The following VTI1A variants were observed in gnomAD, a reference collection of about 807,000 sequenced individuals.
The protein encoded by VTI1A is vesicle transport through interaction with t-SNAREs 1A, also known as vesicle transport through interaction with t-SNAREs homolog 1A.
VTI1A carries 22 observed loss-of-function variants against 34.9 expected under a neutral mutation model. The ratio of observed to expected loss-of-function variants is 0.63; its 90% CI spans 0.45 to 0.90. The LOEUF is 0.90. VTI1A is among the 40% of genes least tolerant of loss of function. VTI1A has a pLI of 0.00. For missense variants in VTI1A, 268 were observed against 275.6 expected (o/e 0.97, Z 0.20); for synonymous variants, 87 against 97.3 (o/e 0.89, Z 0.62).
intron 7 of VTI1A, among the ~76,000 whole-genome samples, chr10:112,742,478 A>T (rs1298648309): frequency 1.3e-5 from 2 of 152,234 alleles, no homozygotes; most frequent in Non-Finnish European, 2.9e-5. Flanking sequence ...CTAGGGCATA[A>T]GAAACCCAAA....
chr10:112,489,869 C>T (rs1848762175), intron 3 of VTI1A, among the ~76,000 whole-genome samples: 1 of 152,114 alleles, frequency 6.6e-6, no homozygotes, highest in South Asian at 2.1e-4. Flanking sequence ...CTGAACTTTG[C>T]CTTTTTAATC....
At chr10:112,677,130 C>T (rs574867856) in intron 7 of VTI1A, among the ~76,000 whole-genome samples, 5 of 152,132 alleles carry the variant, frequency 3.3e-5, no homozygotes, top group South Asian at 2.1e-4. Context: ...GTGCAGGGGA[C>T]GGACAGACAG....
At position 112,629,842 on chromosome 10, in the gene VTI1A, A is replaced by G. The variant is rs147302108; in HGVS notation, c.428-38376A>G. ...ATAAATCCACTGTGCTTCCAGCCTC[A>G]TATGAGCCAAATCTCCTAAACATGC... On this transcript the variant is annotated intron_variant, in intron 5 of 7. Transcript: ENST00000393077. Among the ~76,000 whole-genome samples the G allele has an allele frequency of 5.9e-3, 894 of 152,338 alleles. 5 individuals carry two copies. The highest frequency in any genetic ancestry group is 9.8e-3 in the Non-Finnish European group (669 of 68,026).
intron 7 of VTI1A, among the ~76,000 whole-genome samples, chr10:112,769,843 T>TA (rs756493185): frequency 4.7e-4 from 72 of 152,252 alleles, no homozygotes; most frequent in Non-Finnish European, 7.8e-4. Context: ...CATATTTACA[T>TA]ACCTTAGGAA....
At chr10:112,691,833 A>G (rs1564885950) in intron 7 of VTI1A, among the ~76,000 whole-genome samples, 1 of 152,192 alleles carries the variant, frequency 6.6e-6, no homozygotes, top group African/African-American at 2.4e-5. Context: ...CCTCCCTTGA[A>G]TGGATGGATT....
chr10:112,695,072 G>A (rs538273549), intron 7 of VTI1A, among the ~76,000 whole-genome samples: 1 of 152,216 alleles, frequency 6.6e-6, no homozygotes, highest in African/African-American at 2.4e-5. Context: ...AATTATGTGG[G>A]AAATGGAACA....
chr10:112,541,874 T>C (rs1589880838), intron 5 of VTI1A, among the ~76,000 whole-genome samples: 3 of 152,242 alleles, frequency 2.0e-5, no homozygotes, highest in Admixed American at 1.3e-4. Context: ...TTTGAGAATA[T>C]TGATGAAGCT....
chr10:112,774,879 G>T (rs1183122447), intron 7 of VTI1A, among the ~76,000 whole-genome samples: 1 of 152,108 alleles, frequency 6.6e-6, no homozygotes. Context: ...ATGTTTGAGG[G>T]GATTGCTGTG....
At position 112,597,204 on chromosome 10, in the gene VTI1A, T is replaced by C. The variant is rs542008332; in HGVS notation, c.427+58874T>C. On this transcript the variant is annotated intron_variant, in intron 5 of 7. Transcript: ENST00000393077. ...GGGAATTTTTGGAACCTCTTTGGGC[T>C]GTGGTTTGTTTTTTGTTTGTTTGTT... 1.1e-3 allele frequency among the ~76,000 whole-genome samples: 167 copies of C among 152,232 alleles called. 1 individual carries two copies. The highest frequency in any genetic ancestry group is 1.9e-3 in the Non-Finnish European group (131 of 68,012).
chr10:112,480,560 G>A (rs1351227350), intron 3 of VTI1A, among the ~76,000 whole-genome samples: 3 of 152,162 alleles, frequency 2.0e-5, no homozygotes, highest in Non-Finnish European at 4.4e-5. Context: ...GCATGCATGC[G>A]TGTGTAGGAA....
At chr10:112,674,680 C>T (rs1248025264) in intron 7 of VTI1A, among the ~76,000 whole-genome samples, 2 of 152,120 alleles carry the variant, frequency 1.3e-5, no homozygotes, top group Non-Finnish European at 2.9e-5. Context: ...CTGATTTTAT[C>T]CTTAACAGTT....
At chr10:112,710,937 A>G (rs1168849104) in intron 7 of VTI1A, among the ~76,000 whole-genome samples, 25 of 152,224 alleles carry the variant, frequency 1.6e-4, no homozygotes, top group Admixed American at 1.6e-3. Flanking sequence ...AGGTTACAAA[A>G]TGTCACAATT....
intron 5 of VTI1A, among the ~76,000 whole-genome samples, chr10:112,634,575 ACTAAATGT>A (rs1846273257): frequency 2.0e-5 from 3 of 150,178 alleles, no homozygotes; most frequent in Admixed American, 2.0e-4. Flanking sequence ...TCCTTTTGAA[ACTAAATGT>A]GATCTGTCTG....
intron 3 of VTI1A, among the ~76,000 whole-genome samples, chr10:112,481,688 G>A (rs1360098926): frequency 2.0e-5 from 3 of 152,164 alleles, no homozygotes; most frequent in Non-Finnish European, 4.4e-5. Flanking sequence ...TGTAATCAGA[G>A]AAAAAGAAGT....
intron 7 of VTI1A, among the ~76,000 whole-genome samples, chr10:112,688,513 A>C (rs769573512): frequency 8.2e-6 from 1 of 121,918 alleles, no homozygotes; most frequent in Non-Finnish European, 1.7e-5. Flanking sequence ...ACTAATGTCA[A>C]TTTTTTTCTT....
At chr10:112,464,727 G>A (rs1283293927) in intron 3 of VTI1A, 70 bp downstream of exon 3, 3 of 1,319,968 alleles carry the variant, frequency 2.3e-6, no homozygotes, top group African/African-American at 1.5e-5. Context: ...GCCTCAGTCA[G>A]CATTAAATGC....
At chr10:112,691,327 G>T (rs2133880603) in intron 7 of VTI1A, among the ~76,000 whole-genome samples, 1 of 151,936 alleles carries the variant, frequency 6.6e-6, no homozygotes, top group African/African-American at 2.4e-5. Flanking sequence ...CAGATAATTG[G>T]TATGAGCATC....
intron 7 of VTI1A, among the ~76,000 whole-genome samples, chr10:112,710,379 G>A (rs1308154730): frequency 6.6e-6 from 1 of 151,730 alleles, no homozygotes; most frequent in African/African-American, 2.4e-5. Context: ...CCTAACTTTT[G>A]TATTTTTAGT....
chr10:112,760,822 G>A lies in VTI1A; in HGVS notation c.561-54468G>A, dbSNP rs550275716. Among the ~76,000 whole-genome samples, 3 of 149,074 alleles carry A rather than the reference G, an allele frequency of 2.0e-5. No homozygotes were observed. The East Asian group carries it at 6.0e-4, about 30-fold the overall frequency. On this transcript the variant is annotated intron_variant, in intron 7 of 7. Transcript: ENST00000393077. ...GAGAATGGCTTGAACCCAGGAGGCA[G>A]AGGTTGCAGTGAGCGGAGATCGTGC... is the stretch of plus-strand genomic sequence containing the variant.
Sources: allele counts gnomAD v4.1 joint callset (sites outside exome capture counted in the v4.1 genomes callset), GRCh38; gene constraint gnomAD v4.1.1; transcripts MANE v1.5; gene names NCBI Gene and HGNC (gene_info 2026-07-23, HGNC 2026-07-21).